Variants in PILRA observed in about 807,000 individuals in gnomAD.
PILRA encodes paired immunoglobin like type 2 receptor alpha, also known as paired immunoglobulin-like type 2 receptor alpha.
A neutral mutation model predicts 33.1 loss-of-function variants in PILRA; 37 were observed. The observed-to-expected ratio is 1.12, with a 90% confidence interval of 0.86 to 1.47. The LOEUF (loss-of-function observed/expected upper bound fraction) is 1.47, where lower values mean the gene tolerates loss of function less well. Among genes scored for constraint, PILRA ranks in the 40% most tolerant of loss-of-function variants. The probability of loss-of-function intolerance (pLI) is 0.00; values close to 1 mark genes in which losing one functional copy is unlikely to be tolerated. For missense variants in PILRA, 312 were observed against 376.2 expected (o/e 0.83, Z 1.41); for synonymous variants, 146 against 149.9 (o/e 0.97, Z 0.19).
At chr7:100,374,833 G>C (rs1227603729) in intron 2 of PILRA, 2 of 295,488 alleles carry the variant, frequency 6.8e-6, no homozygotes, top group Admixed American at 4.6e-5. Flanking sequence ...TCTGTGTGGA[G>C]TCCCCGTTAG....
chr7:100,400,069 A>G lies in PILRA; in HGVS notation c.*162A>G. 1.8e-6 allele frequency: 1 copy of G among 548,430 alleles called. No individual in the cohort carries two copies. The highest frequency in any genetic ancestry group is 2.9e-6 in the Non-Finnish European group (1 of 339,154). The allele number at this position is 548,430 out of a possible 1,614,324, so 34.0% of individuals were successfully genotyped here. ...ATGCCATCTCTAGTTAAAAATATAT[A>G]TTAACAATAAAGTAACAAATTTAAA... On this transcript the variant is annotated 3_prime_UTR_variant, in exon 7 of 7. Transcript: ENST00000198536.
chr7:100,376,034 A>G (rs926774053), intron 2 of PILRA: 1 of 152,202 alleles, frequency 6.6e-6, no homozygotes, highest in African/African-American at 2.4e-5. Flanking sequence ...TTAGGAAACT[A>G]ATCTTTGGCC....
Position 100,394,401 on chromosome 7 carries a change from A to C in PILRA, c.674-3478A>C, listed in dbSNP as rs113012414. On this transcript the variant is annotated intron_variant, in intron 3 of 6. Coordinates refer to ENST00000198536, the MANE Select transcript of PILRA (RefSeq NM_013439.3). The stretch of plus-strand genomic sequence containing the variant: ...CAAAAACAGAAACAAAACAAACTAC[A>C]GACCAATAACTCTGATAAATATTGA... 3.5e-3 allele frequency among the ~76,000 whole-genome samples: 537 copies of C among 152,240 alleles called. 4 individuals carry two copies. Among genetic ancestry groups the C allele is most frequent in the African/African-American group, 0.012 (509 of 41,530 alleles).
intron 3 of PILRA, among the ~76,000 whole-genome samples, chr7:100,395,008 C>G (rs1345285185): frequency 6.6e-6 from 1 of 152,074 alleles, no homozygotes; most frequent in South Asian, 2.1e-4. Context: ...TTACAGGACA[C>G]AATCAATAGA....
chr7:100,376,921 C>G (rs1790963110), intron 2 of PILRA, among the ~76,000 whole-genome samples: 1 of 151,732 alleles, frequency 6.6e-6, no homozygotes, highest in South Asian at 2.1e-4. Context: ...ACCACCACAC[C>G]TGGCTAATAT....
In PILRA at chr7:100,374,685, A is replaced by C. The variant is rs531189257; in HGVS notation, c.454+252A>C. ...AGATCCAGCCCCGCCCCCACTCCTCAGGCCTCAGCAGCTGCTGGACCCTCT... is the reference window on the plus strand; with the variant it reads ...AGATCCAGCCCCGCCCCCACTCCTCCGGCCTCAGCAGCTGCTGGACCCTCT... On this transcript the variant is annotated intron_variant, in intron 2 of 6. Transcript: ENST00000198536. The C allele has an allele frequency of 2.1e-3, 1,094 of 522,658 alleles. 1 individual carries two copies. The highest frequency in any genetic ancestry group is 3.0e-3 in the Non-Finnish European group (901 of 298,090). 32.4% of individuals were successfully genotyped at this position (522,658 alleles called of 1,614,324 possible). A position where few individuals can be genotyped will look rare whatever the true frequency, so the allele number is the denominator to read the frequency against.
intron 5 of PILRA, 49 bp from the exon 6 acceptor site, chr7:100,399,532 C>A: frequency 6.2e-7 from 1 of 1,610,400 alleles, no homozygotes; most frequent in South Asian, 1.1e-5. Flanking sequence ...TCTCTCTCCC[C>A]TGGCTGTCAC....
In PILRA at chr7:100,393,121, A is replaced by C. The variant is rs537304077; in HGVS notation, c.673+3015A>C. Among the ~76,000 whole-genome samples, 93 of 152,202 alleles carry C rather than the reference A, an allele frequency of 6.1e-4. 1 individual carries two copies. Among genetic ancestry groups the C allele is most frequent in the South Asian group, 1.5e-3 (7 of 4,814 alleles). On this transcript the variant is annotated intron_variant, in intron 3 of 6. Coordinates refer to ENST00000198536, the MANE Select transcript of PILRA (RefSeq NM_013439.3). ...ATGGTGAAACCCCGTCTCTACTAGAAATATAAAAATTAGCTGTGCATGGTG... is the reference window on the plus strand; with the variant it reads ...ATGGTGAAACCCCGTCTCTACTAGACATATAAAAATTAGCTGTGCATGGTG...
intron 2 of PILRA, among the ~76,000 whole-genome samples, chr7:100,378,185 T>TAA (rs768016679): frequency 3.7e-5 from 5 of 133,868 alleles, no homozygotes; most frequent in African/African-American, 2.8e-5. Context: ...CCCCCATCTC[T>TAA]AAAAAAAAAA....
At chr7:100,380,963 T>A (rs1160546452) in intron 2 of PILRA, among the ~76,000 whole-genome samples, 1 of 143,770 alleles carries the variant, frequency 7.0e-6, no homozygotes, top group Non-Finnish European at 1.5e-5. Context: ...AGAGTGAGAC[T>A]CCATCTCCAA....
chr7:100,394,535 A>C (rs1028328052), intron 3 of PILRA, among the ~76,000 whole-genome samples: 1 of 143,326 alleles, frequency 7.0e-6, no homozygotes, highest in East Asian at 2.2e-4. Flanking sequence ...CGGAGGTTGC[A>C]GTGAGCCGAG....
At position 100,399,564 on chromosome 7, in the gene PILRA, T is replaced by C. The variant is rs891864583; in HGVS notation, c.758-17T>C. ...TCACGCCACCTGACCTTGGCACACC[T>C]TGCTTTTTATTCTTAGGACAAAATA... On this transcript the variant is annotated splice_polypyrimidine_tract_variant and intron_variant, in intron 5 of 6. Coordinates refer to ENST00000198536, the MANE Select transcript of PILRA (RefSeq NM_013439.3). The C allele has an allele frequency of 6.2e-7, 1 of 1,614,106 alleles. No individual in the cohort carries two copies. The highest frequency in any genetic ancestry group is 8.5e-7 in the Non-Finnish European group (1 of 1,180,012).
At chr7:100,382,625 G>A (rs981144792) in intron 2 of PILRA, among the ~76,000 whole-genome samples, 6 of 152,208 alleles carry the variant, frequency 3.9e-5, no homozygotes, top group African/African-American at 7.2e-5. Context: ...GGATGTGGGT[G>A]GTGCCAGGTA....
Position 100,374,289 on chromosome 7 carries a change from G to A in PILRA, c.310G>A (p.Gly104Ser). ...CCGGCTCTTTCTGAACTGGACAGAG[G>A]GTCAGAAGAGCGGCTTCCTCAGGAT... is the stretch of plus-strand genomic sequence containing the variant. ...VNRLFLNWTE[G>S]QKSGFLRISN... The change falls in exon 2 of 7, where the codon GGT (glycine) becomes AGT (serine). Residue 104 changes from glycine to serine, a missense_variant. By Grantham distance (56) the Gly-to-Ser change is moderately conservative (BLOSUM62 0). Transcript: ENST00000198536. 6.2e-7 allele frequency: 1 copy of A among 1,614,016 alleles called. No individual in the cohort carries two copies. The highest frequency in any genetic ancestry group is 8.5e-7 in the Non-Finnish European group (1 of 1,179,944).
At chr7:100,379,668 CAAAAAAA>C (rs57322009) in intron 2 of PILRA, among the ~76,000 whole-genome samples, 18 of 69,040 alleles carry the variant, frequency 2.6e-4, no homozygotes, top group South Asian at 5.6e-4. Flanking sequence ...ACTCTGTCTC[CAAAAAAA>C]AAAAAAAAAA....
chr7:100,371,326 TCCA>T (rs1790807228), upstream of PILRA, among the ~76,000 whole-genome samples: 1 of 152,186 alleles, frequency 6.6e-6, no homozygotes, highest in Non-Finnish European at 1.5e-5. Context: ...TTATAAATCT[TCCA>T]CCTTCATTCT....
chr7:100,392,105 G>A (rs1393811937), intron 3 of PILRA, among the ~76,000 whole-genome samples: 1 of 152,122 alleles, frequency 6.6e-6, no homozygotes, highest in East Asian at 1.9e-4. Context: ...GCCCAGGAGT[G>A]TGAGACCAAC....
intron 5 of PILRA, 93 bp downstream of exon 5, chr7:100,399,433 A>G: frequency 7.2e-7 from 1 of 1,393,140 alleles, no homozygotes; most frequent in Non-Finnish European, 1.0e-6. Context: ...CCCTGTCAGT[A>G]TTTTCTTCTT....
intron 3 of PILRA, among the ~76,000 whole-genome samples, chr7:100,392,915 T>C (rs1156618159): frequency 6.6e-6 from 1 of 151,684 alleles, no homozygotes; most frequent in African/African-American, 2.4e-5. Flanking sequence ...CAGAAGAAAA[T>C]GTGAGATTAT....
Sources: gnomAD v4.1 joint callset for allele counts (sites outside exome capture counted in the v4.1 genomes callset) on GRCh38, gnomAD v4.1.1 for gene constraint, MANE v1.5 for transcripts, NCBI Gene and HGNC (gene_info 2026-07-23, HGNC 2026-07-21) for gene names.